RNF213: variants seen among roughly 807,000 people sequenced by gnomAD.
RNF213 encodes ring finger protein 213, also known as E3 ubiquitin-protein ligase RNF213.
Under a neutral mutation model 514.4 loss-of-function variants are expected in RNF213, and 341 were observed. The ratio of observed to expected loss-of-function variants is 0.66; its 90% CI spans 0.61 to 0.73. RNF213 has a LOEUF of 0.73. Ranked by LOEUF, RNF213 falls within the 30% of genes least tolerant of loss-of-function variation. The probability of loss-of-function intolerance (pLI) is 0.00; values close to 1 mark genes in which losing one functional copy is unlikely to be tolerated. For missense variants in RNF213, 5,767 were observed against 6,615.6 expected, an observed-to-expected ratio of 0.87 and a Z score of 4.45; for synonymous variants, 2,655 against 2,658.2, an observed-to-expected ratio of 1.00 and a Z score of 0.04.
chr17:80,278,527 T>C (rs1168320098), intron 3 of RNF213, among the ~76,000 whole-genome samples: 1 of 152,202 alleles, frequency 6.6e-6, no homozygotes, highest in Non-Finnish European at 1.5e-5. Context: ...GTTCTCCTCT[T>C]ACGTGGACTT....
At chr17:80,392,689 AAG>A (rs2080525738) in intron 67 of RNF213, among the ~76,000 whole-genome samples, 1 of 151,846 alleles carries the variant, frequency 6.6e-6, no homozygotes, top group Non-Finnish European at 1.5e-5. Flanking sequence ...TCCTGGGTTC[AAG>A]TGATTTTCCT....
At chr17:80,308,477 C>A (rs981220633) in intron 13 of RNF213, among the ~76,000 whole-genome samples, 4 of 146,104 alleles carry the variant, frequency 2.7e-5, no homozygotes, top group Admixed American at 6.7e-5. Flanking sequence ...CCCTCCTAAG[C>A]CTCCTCCTAA....
intron 22 of RNF213, 80 bp downstream of exon 22, chr17:80,334,350 T>C: frequency 7.1e-7 from 1 of 1,416,054 alleles, no homozygotes; most frequent in Non-Finnish European, 9.3e-7. Context: ...CTAAACTCTT[T>C]GGCAATACCT....
intron 2 of RNF213, among the ~76,000 whole-genome samples, chr17:80,265,975 A>C (rs118033730): frequency 3.3e-3 from 503 of 152,300 alleles, no homozygotes; most frequent in Non-Finnish European, 5.6e-3. Flanking sequence ...GGATGGGGAC[A>C]TGGGAAGCCC....
At chr17:80,379,434 T>C in intron 54 of RNF213, 186 bp from the exon 55 acceptor site, 1 of 648,946 alleles carries the variant, frequency 1.5e-6, no homozygotes, top group Non-Finnish European at 2.8e-6. Flanking sequence ...TTTGCCCACG[T>C]GCAACATTAG....
intron 37 of RNF213, 83 bp from the exon 38 acceptor site, chr17:80,359,978 G>T: frequency 7.0e-7 from 1 of 1,433,456 alleles, no homozygotes; most frequent in Non-Finnish European, 9.8e-7. Context: ...TCTGAGAAGA[G>T]CTGGCATCAG....
rs146009468 is a variant in RNF213 at position 80,343,145 on chromosome 17, C to T, written c.6003C>T (p.Tyr2001=). The change falls in exon 27 of 68, where the codon TAC becomes TAT. Residue 2001 remains tyrosine (Y), a synonymous_variant. Coordinates refer to ENST00000582970, the MANE Select transcript of RNF213 (RefSeq NM_001256071.3). This position sits in a 1 kb window ranked among gnomAD's most constrained non-coding sequence, Gnocchi z 4.3. ...SERAGVGKSL[Y]VKRLHDKMKM... ...TTAATGTTATAGGAAAGTCTCTGTACGTGAAGAGGTTGCACGACAAAATGA... is the reference window on the plus strand; with the variant it reads ...TTAATGTTATAGGAAAGTCTCTGTATGTGAAGAGGTTGCACGACAAAATGA... 5.5e-5 allele frequency: 88 copies of T among 1,613,364 alleles called. No individual in the cohort carries two copies. Among genetic ancestry groups the T allele is most frequent in the African/African-American group, 5.2e-4 (39 of 74,862 alleles).
rs1207734101 is a variant in RNF213 at position 80,339,678 on chromosome 17, G to A, written c.5311G>A (p.Glu1771Lys). The change falls in exon 26 of 68, where the codon GAG becomes AAG. Residue 1771 changes from glutamate (E) to lysine (K), a missense_variant. This residue lies in a region of RNF213 where 1,377 missense variants were observed against 1,635.2 expected (regional missense o/e 0.84). Coordinates refer to ENST00000582970, the MANE Select transcript of RNF213 (RefSeq NM_001256071.3). ...AGAGCTCCCGCTGATGCTCTTATCA[G>A]AGTTCAGCCTGGTGGACAAGCTGAG... Reference protein sequence around the residue: ...MEELPLMLLSEFSLVDKLRII... With the variant: ...MEELPLMLLSKFSLVDKLRII... The A allele has an allele frequency of 1.3e-6, 2 of 1,537,216 alleles. No homozygotes were observed. The highest frequency in any genetic ancestry group is 1.7e-6 in the Non-Finnish European group (2 of 1,146,886).
At position 80,368,092 on chromosome 17, in the gene RNF213, G is replaced by GT; in HGVS notation, c.12107dup (p.Leu4036PhefsTer21). The GT allele has an allele frequency of 6.2e-7, 1 of 1,614,260 alleles. No homozygotes were observed. Among genetic ancestry groups the GT allele is most frequent in the Non-Finnish European group, 8.5e-7 (1 of 1,180,044 alleles). ...TCAGAGCAGATGATATGCCCCTACT[G>GT]TTTAACTGCCTTGCCAGACGAATTC... is the stretch of plus-strand genomic sequence containing the variant. On this transcript the variant is annotated frameshift_variant, in exon 44 of 68. Coordinates refer to ENST00000582970, the MANE Select transcript of RNF213 (RefSeq NM_001256071.3). LOFTEE classifies it high-confidence loss of function.
Position 80,344,855 on chromosome 17 carries a change from T to C in RNF213, c.6520T>C (p.Phe2174Leu). ...AAGACCTTACCAGTATTTAAGACGA[T>C]TCAATCAAAACCAAGACCTAGACAC... is the stretch of plus-strand genomic sequence containing the variant. Reference protein sequence around the residue: ...FQRPYQYLRRFNQNQDLDTFQ... With the variant: ...FQRPYQYLRRLNQNQDLDTFQ... The change falls in exon 29 of 68, where the codon TTC becomes CTC. Residue 2174 changes from phenylalanine (F) to leucine (L), a missense_variant. By Grantham distance (22) the Phe-to-Leu change is conservative. Around this residue, in one of 13 missense-constraint regions of RNF213, gnomAD observed 1,377 missense variants for 1,635.2 expected, o/e 0.84. Transcript: ENST00000582970. The C allele has an allele frequency of 1.2e-6, 2 of 1,614,154 alleles. No homozygotes were observed. The highest frequency in any genetic ancestry group is 1.7e-6 in the Non-Finnish European group (2 of 1,180,040).
chr17:80,343,071 G>A lies in RNF213; in HGVS notation c.5990-61G>A, dbSNP rs2078207097. 2.8e-6 allele frequency: 4 copies of A among 1,424,430 alleles called. No homozygotes were observed. In the Admixed American group the frequency reaches 6.8e-5, roughly 24 times the overall value. The allele number at this position is 1,424,430 out of a possible 1,614,324, so 88.2% of individuals were successfully genotyped here. On this transcript the variant is annotated intron_variant, in intron 26 of 67. Coordinates refer to ENST00000582970, the MANE Select transcript of RNF213 (RefSeq NM_001256071.3). This position sits in a 1 kb window ranked among gnomAD's most constrained non-coding sequence, Gnocchi z 4.3. Reference sequence around the variant, plus strand: ...GATCCCCCCGCCTCGGCCTCCCAAAGTGCTAGGATTACAGGTGTGAGCCAC... The same window carrying A: ...GATCCCCCCGCCTCGGCCTCCCAAAATGCTAGGATTACAGGTGTGAGCCAC...
At chr17:80,274,420 G>T (rs1332790920) in intron 3 of RNF213, among the ~76,000 whole-genome samples, 1 of 149,418 alleles carries the variant, frequency 6.7e-6, no homozygotes, top group Non-Finnish European at 1.5e-5. Flanking sequence ...GGCCTGGGAA[G>T]ACCCAGAGGG....
chr17:80,332,706 G>T (rs2046449696), intron 21 of RNF213, 75 bp downstream of exon 21: 1 of 1,432,026 alleles, frequency 7.0e-7, no homozygotes, highest in Non-Finnish European at 9.1e-7. Context: ...CATGGGCTTT[G>T]TGGCTTTGAA....
intron 18 of RNF213, among the ~76,000 whole-genome samples, chr17:80,325,921 CA>C (rs1306187844): frequency 6.7e-6 from 1 of 149,356 alleles, no homozygotes; most frequent in Non-Finnish European, 1.5e-5. Flanking sequence ...TTGAAAAGAT[CA>C]TTTTTGTGTT....
chr17:80,299,534 GTTTATTTA>G (rs149502065), intron 11 of RNF213, among the ~76,000 whole-genome samples: 69 of 149,974 alleles, frequency 4.6e-4, no homozygotes, highest in South Asian at 1.1e-3. Context: ...ACCAGAGAAA[GTTTATTTA>G]TTTATTTATT....
chr17:80,282,558 C>T (rs1448529831), intron 3 of RNF213, among the ~76,000 whole-genome samples: 1 of 152,008 alleles, frequency 6.6e-6, no homozygotes, highest in East Asian at 1.9e-4. Flanking sequence ...ACCACCACGC[C>T]CAGCCAATTT....
In RNF213 at chr17:80,374,451, A is replaced by C. The variant is rs774326122; in HGVS notation, c.12943-7A>C. 1 of 1,614,126 alleles carries C rather than the reference A, an allele frequency of 6.2e-7. No homozygotes were observed. The stretch of plus-strand genomic sequence containing the variant: ...TTGTTCACCCCCAACTAACCTCTGT[A>C]TTCCAGGGGCTGCGGCAGGACCACC... On this transcript the variant is annotated splice_polypyrimidine_tract_variant and splice_region_variant and intron_variant, in intron 49 of 67. Coordinates refer to ENST00000582970, the MANE Select transcript of RNF213 (RefSeq NM_001256071.3).
At chr17:80,324,927 G>A in intron 17 of RNF213, 103 bp from the exon 18 acceptor site, 1 of 1,145,264 alleles carries the variant, frequency 8.7e-7, no homozygotes. Flanking sequence ...ACAAGTTACA[G>A]TAGATTTCAG....
chr17:80,329,763 C>T (rs151081121), intron 20 of RNF213, among the ~76,000 whole-genome samples: 7,033 of 152,144 alleles, frequency 0.046, 182 homozygotes, highest in Middle Eastern at 0.058. Flanking sequence ...CCTGGGAAGT[C>T]GAGGCTGCAG....
Sources: allele counts gnomAD v4.1 joint callset (sites outside exome capture counted in the v4.1 genomes callset), GRCh38; gene constraint gnomAD v4.1.1; regional missense constraint gnomAD v4.1.1; non-coding constraint Gnocchi (gnomAD v3.1); transcripts MANE v1.5; gene names NCBI Gene and HGNC (gene_info 2026-07-23, HGNC 2026-07-21).